The following PPP3CA variants were observed in gnomAD, a reference collection of about 807,000 sequenced individuals.
The protein encoded by PPP3CA is CAM-PRP catalytic subunit.
Under a neutral mutation model 66.5 loss-of-function variants are expected in PPP3CA, and 14 were observed. That is an observed-to-expected ratio of 0.21 (90% confidence interval 0.14 to 0.33). The LOEUF (loss-of-function observed/expected upper bound fraction) is 0.33, where lower values mean the gene tolerates loss of function less well. PPP3CA is among the 10% of genes least tolerant of loss of function. The pLI is 1.00. For missense variants in PPP3CA, 317 were observed against 639.5 expected, an observed-to-expected ratio of 0.50 and a Z score of 5.44; for synonymous variants, 232 against 226.2, an observed-to-expected ratio of 1.03 and a Z score of -0.23.
At chr4:101,146,388 C>T (rs1420192902) in intron 2 of PPP3CA, among the ~76,000 whole-genome samples, 2 of 151,904 alleles carry the variant, frequency 1.3e-5, no homozygotes, top group African/African-American at 2.4e-5. Flanking sequence ...AAAGGATGAA[C>T]TAATTAACTT....
At chr4:101,244,372 TA>T (rs1726408850) in intron 1 of PPP3CA, among the ~76,000 whole-genome samples, 1 of 151,764 alleles carries the variant, frequency 6.6e-6, no homozygotes, top group African/African-American at 2.4e-5. Context: ...GAGAGAAGAG[TA>T]AAACAGGGAG....
chr4:101,123,676 CA>C (rs1005723686), intron 2 of PPP3CA, among the ~76,000 whole-genome samples: 1 of 151,848 alleles, frequency 6.6e-6, no homozygotes, highest in Non-Finnish European at 1.5e-5. Context: ...ACAAAATATA[CA>C]AAAAAACCCC....
At chr4:101,029,137 T>TACA (rs1360936467) in intron 13 of PPP3CA, 29 bp downstream of exon 13, 17 of 1,566,158 alleles carry the variant, frequency 1.1e-5, no homozygotes, top group Non-Finnish European at 1.4e-5. Context: ...CTGTTGCAGG[T>TACA]ACAACAGAAA....
chr4:101,313,017 T>C (rs1728775839), intron 1 of PPP3CA, among the ~76,000 whole-genome samples: 2 of 152,162 alleles, frequency 1.3e-5, no homozygotes, highest in Admixed American at 1.3e-4. Context: ...CTTCTTTCCT[T>C]CCCTTCTTCC....
intron 1 of PPP3CA, among the ~76,000 whole-genome samples, chr4:101,205,414 A>G (rs1725100717): frequency 6.6e-6 from 1 of 152,198 alleles, no homozygotes; most frequent in Admixed American, 6.5e-5. Context: ...CCTAAGTAAG[A>G]CATGAAATAT....
chr4:101,226,710 T>C (rs1003150965), intron 1 of PPP3CA, among the ~76,000 whole-genome samples: 1 of 151,700 alleles, frequency 6.6e-6, no homozygotes, highest in African/African-American at 2.4e-5. Context: ...GAATTTCTTT[T>C]TTTTTCATAT....
intron 6 of PPP3CA, among the ~76,000 whole-genome samples, chr4:101,085,643 AT>A (rs1729631789): frequency 6.6e-6 from 1 of 152,076 alleles, no homozygotes; most frequent in Non-Finnish European, 1.5e-5. Context: ...AAATACCAAC[AT>A]TTTCCTCATA....
intron 1 of PPP3CA, among the ~76,000 whole-genome samples, chr4:101,305,743 A>G (rs1728514516): frequency 6.6e-6 from 1 of 152,208 alleles, no homozygotes; most frequent in African/African-American, 2.4e-5. Flanking sequence ...CAATCTTCCT[A>G]TTTCAAATGC....
At chr4:101,093,953 T>A in intron 5 of PPP3CA, 38 bp from the exon 6 acceptor site, 1 of 1,541,744 alleles carries the variant, frequency 6.5e-7, no homozygotes, top group Non-Finnish European at 8.8e-7. Context: ...AATACTAATC[T>A]TTGGAAACTT....
At chr4:101,205,878 C>T (rs763672840) in intron 1 of PPP3CA, among the ~76,000 whole-genome samples, 6 of 152,154 alleles carry the variant, frequency 3.9e-5, no homozygotes, top group African/African-American at 7.2e-5. Context: ...ATCCAGCATA[C>T]AGCATCTTGT....
chr4:101,061,924 A>T (rs1728480465), intron 9 of PPP3CA, among the ~76,000 whole-genome samples: 1 of 151,986 alleles, frequency 6.6e-6, no homozygotes, highest in Admixed American at 6.6e-5. Flanking sequence ...CTTCTTTGAG[A>T]GCTACTTTTT....
At chr4:101,042,307 A>T in intron 10 of PPP3CA, among the ~76,000 whole-genome samples, 1 of 151,054 alleles carries the variant, frequency 6.6e-6, no homozygotes, top group East Asian at 2.0e-4. Flanking sequence ...GGTGTTCCCC[A>T]GAGGGTGTGT....
At chr4:101,344,676 TTGAG>T (rs1729922687) in intron 1 of PPP3CA, among the ~76,000 whole-genome samples, 1 of 152,214 alleles carries the variant, frequency 6.6e-6, no homozygotes, top group South Asian at 2.1e-4. Context: ...CTTGGAATGG[TTGAG>T]TGGGCTCTTC....
rs1484115647 is a variant in PPP3CA, at chr4:101,026,078, T to TA, written c.1370-18dup. The TA allele has an allele frequency of 3.2e-6, 5 of 1,565,848 alleles. No individual in the cohort carries two copies. The highest frequency in any genetic ancestry group is 2.3e-5 in the East Asian group (1 of 44,314). On this transcript the variant is annotated splice_polypyrimidine_tract_variant and intron_variant, in intron 13 of 13. Coordinates refer to ENST00000394854, the MANE Select transcript of PPP3CA (RefSeq NM_000944.5). ...CTTTGATAGCTAAACAGAAAATCATTAAAAAAAGAAAACCAGGATTATCCA... is the reference window on the plus strand; with the variant it reads ...CTTTGATAGCTAAACAGAAAATCATTAAAAAAAAGAAAACCAGGATTATCCA...
At chr4:101,036,208 G>T (rs1055222606) in intron 11 of PPP3CA, among the ~76,000 whole-genome samples, 3 of 152,116 alleles carry the variant, frequency 2.0e-5, no homozygotes, top group African/African-American at 4.8e-5. Context: ...TTTAGTTTCT[G>T]TTTCTACCCC....
chr4:101,151,308 T>TA (rs954442901), intron 2 of PPP3CA, among the ~76,000 whole-genome samples: 1 of 152,100 alleles, frequency 6.6e-6, no homozygotes, highest in African/African-American at 2.4e-5. Flanking sequence ...CTCATGCCTG[T>TA]AATCCCAGCA....
At chr4:101,049,282 A>G (rs1035083316) in intron 10 of PPP3CA, among the ~76,000 whole-genome samples, 1 of 152,116 alleles carries the variant, frequency 6.6e-6, no homozygotes, top group African/African-American at 2.4e-5. Flanking sequence ...ACAGTAGATT[A>G]GGAACTTTCC....
At chr4:101,249,180 C>A (rs890121408) in intron 1 of PPP3CA, among the ~76,000 whole-genome samples, 5 of 149,694 alleles carry the variant, frequency 3.3e-5, no homozygotes, top group African/African-American at 7.4e-5. Flanking sequence ...AAAAAAAAAA[C>A]CAAAAAACAA....
chr4:101,040,434 T>TGACA, intron 11 of PPP3CA, 48 bp downstream of exon 11: 1 of 1,296,678 alleles, frequency 7.7e-7, no homozygotes, highest in East Asian at 2.5e-5. Flanking sequence ...ATTTATTAGG[T>TGACA]GACACATAAT....
Sources: allele counts gnomAD v4.1 joint callset (sites outside exome capture counted in the v4.1 genomes callset), GRCh38; gene constraint gnomAD v4.1.1; transcripts MANE v1.5; gene names NCBI Gene and HGNC (gene_info 2026-07-23, HGNC 2026-07-21).